Variants in GRID2 observed in about 807,000 individuals in gnomAD.
GRID2 encodes the protein glutamate ionotropic receptor delta type subunit 2, also known as glutamate receptor ionotropic, delta-2.
Under a neutral mutation model 114.8 loss-of-function variants are expected in GRID2, and 33 were observed. That is an observed-to-expected ratio of 0.29 (90% CI 0.22 to 0.38). The LOEUF (loss-of-function observed/expected upper bound fraction) is 0.38, where lower values mean the gene tolerates loss of function less well. Ranked by LOEUF, GRID2 falls within the 10% of genes least tolerant of loss-of-function variation. The pLI is 1.00. For missense variants in GRID2, 1,184 were observed against 1,257.7 expected, an observed-to-expected ratio of 0.94 and a Z score of 0.89; for synonymous variants, 505 against 449.9, an observed-to-expected ratio of 1.12 and a Z score of -1.55.
At chr4:92,453,966 G>A (rs1422950544) in intron 1 of GRID2, among the ~76,000 whole-genome samples, 1 of 152,108 alleles carries the variant, frequency 6.6e-6, no homozygotes, top group African/African-American at 2.4e-5. Flanking sequence ...GCAAATATGT[G>A]TGCACTAAAC....
intron 7 of GRID2, among the ~76,000 whole-genome samples, chr4:93,233,878 G>A (rs1746447723): frequency 6.6e-6 from 1 of 152,136 alleles, no homozygotes. Flanking sequence ...TTTAATAAGT[G>A]TGTGAGGAAG....
chr4:92,354,907 T>C (rs1303218256), intron 1 of GRID2, among the ~76,000 whole-genome samples: 1 of 151,948 alleles, frequency 6.6e-6, no homozygotes, highest in Non-Finnish European at 1.5e-5. Flanking sequence ...TATTACGCTA[T>C]CATTTAGAAA....
At chr4:93,752,089 A>G (rs1256287322) in intron 14 of GRID2, among the ~76,000 whole-genome samples, 1 of 151,972 alleles carries the variant, frequency 6.6e-6, no homozygotes, top group Non-Finnish European at 1.5e-5. Context: ...CTGAAAACCT[A>G]TTGCAAATGG....
intron 1 of GRID2, among the ~76,000 whole-genome samples, chr4:92,415,736 GTGTGTA>G (rs1553932656): frequency 1.5e-5 from 1 of 66,518 alleles, no homozygotes; most frequent in Non-Finnish European, 2.8e-5. Flanking sequence ...GTGTGTGTAT[GTGTGTA>G]TATATATATA....
chr4:92,582,479 T>A (rs1271790772), intron 1 of GRID2, among the ~76,000 whole-genome samples: 3 of 151,896 alleles, frequency 2.0e-5, no homozygotes, highest in Non-Finnish European at 4.4e-5. Flanking sequence ...ATATAAAGTT[T>A]GTATAAAAAC....
chr4:93,008,355 G>A (rs971407161), intron 2 of GRID2, among the ~76,000 whole-genome samples: 32 of 152,096 alleles, frequency 2.1e-4, no homozygotes, highest in African/African-American at 7.7e-4. Context: ...AAACAGTATG[G>A]TAGAGTTGTA....
At chr4:92,521,294 T>C (rs898065136) in intron 1 of GRID2, among the ~76,000 whole-genome samples, 38 of 152,036 alleles carry the variant, frequency 2.5e-4, no homozygotes, top group African/African-American at 9.2e-4. Flanking sequence ...TCTTGACACA[T>C]GATTTATCTA....
intron 12 of GRID2, among the ~76,000 whole-genome samples, chr4:93,509,080 T>A (rs1666401141): frequency 6.6e-6 from 1 of 152,200 alleles, no homozygotes; most frequent in Non-Finnish European, 1.5e-5. Context: ...TTAAACTGTT[T>A]TCTAAGGGCA....
chr4:92,437,601 G>C (rs1051092392), intron 1 of GRID2, among the ~76,000 whole-genome samples: 19 of 152,216 alleles, frequency 1.2e-4, no homozygotes, highest in African/African-American at 4.6e-4. Flanking sequence ...AAATGTTTGA[G>C]TGGTTCTGGA....
At chr4:93,400,694 C>T (rs188731925) in intron 9 of GRID2, among the ~76,000 whole-genome samples, 2 of 152,166 alleles carry the variant, frequency 1.3e-5, no homozygotes, top group African/African-American at 4.8e-5. Context: ...CATAAATTGG[C>T]ATTTGGGAGG....
chr4:93,000,195 G>A (rs1560783243), intron 2 of GRID2, among the ~76,000 whole-genome samples: 2 of 151,504 alleles, frequency 1.3e-5, no homozygotes, highest in Non-Finnish European at 3.0e-5. Flanking sequence ...TACTAACTTG[G>A]GAAATAATAT....
At chr4:93,413,345 C>A (rs1417291012) in intron 9 of GRID2, among the ~76,000 whole-genome samples, 1 of 152,116 alleles carries the variant, frequency 6.6e-6, no homozygotes, top group Non-Finnish European at 1.5e-5. Flanking sequence ...CTCTAATGAT[C>A]AGTGAATGTT....
In GRID2 at chr4:92,691,537, T is replaced by G. The variant is rs917693999; in HGVS notation, c.244+101251T>G. Among the ~76,000 whole-genome samples, 4 of 152,208 alleles carry G rather than the reference T, an allele frequency of 2.6e-5. No individual in the cohort carries two copies. In the East Asian group the frequency reaches 7.7e-4, roughly 29 times the overall value. On this transcript the variant is annotated intron_variant, in intron 2 of 15. Coordinates refer to ENST00000282020, the MANE Select transcript of GRID2 (RefSeq NM_001510.4). ...AGCAGAGCTAAGTGGTTTTGCTCAT[T>G]GTGCGGTATCCAGTAATCACTGATA... is the stretch of plus-strand genomic sequence containing the variant.
At chr4:92,330,959 T>C (rs192575543) in intron 1 of GRID2, among the ~76,000 whole-genome samples, 4 of 152,294 alleles carry the variant, frequency 2.6e-5, no homozygotes, top group Middle Eastern at 3.4e-3. Flanking sequence ...ATTTCACTTA[T>C]CAAAATTCAT....
intron 13 of GRID2, among the ~76,000 whole-genome samples, chr4:93,561,048 C>G (rs560338108): frequency 1.3e-5 from 2 of 151,566 alleles, no homozygotes; most frequent in Non-Finnish European, 2.9e-5. Flanking sequence ...TAAATATATC[C>G]TTTTTGGTGT....
At chr4:93,633,322 A>C (rs1300763084) in intron 14 of GRID2, among the ~76,000 whole-genome samples, 4 of 151,972 alleles carry the variant, frequency 2.6e-5, no homozygotes, top group African/African-American at 4.8e-5. Flanking sequence ...AAGTAAAAAT[A>C]CAAATTATTC....
intron 10 of GRID2, among the ~76,000 whole-genome samples, chr4:93,430,865 G>A (rs1415384886): frequency 6.6e-6 from 1 of 152,154 alleles, no homozygotes; most frequent in Non-Finnish European, 1.5e-5. Flanking sequence ...AAGAGGGATT[G>A]GCAGAAAGTG....
intron 2 of GRID2, among the ~76,000 whole-genome samples, chr4:92,962,941 CA>C (rs1752918093): frequency 6.6e-6 from 1 of 151,958 alleles, no homozygotes; most frequent in Non-Finnish European, 1.5e-5. Flanking sequence ...ATCACAGCCA[CA>C]AAGTGAATAC....
At chr4:92,772,724 T>G (rs935104011) in intron 2 of GRID2, among the ~76,000 whole-genome samples, 9 of 152,170 alleles carry the variant, frequency 5.9e-5, no homozygotes, top group Non-Finnish European at 1.2e-4. Context: ...TGAAACACAC[T>G]GAACTCCATT....
Sources: allele counts gnomAD v4.1 joint callset (sites outside exome capture counted in the v4.1 genomes callset), GRCh38; gene constraint gnomAD v4.1.1; transcripts MANE v1.5; gene names NCBI Gene and HGNC (gene_info 2026-07-23, HGNC 2026-07-21).